GGNBP2: variants seen among roughly 807,000 people sequenced by gnomAD.
GGNBP2 encodes gametogenetin-binding protein 2.
In GGNBP2, 10 loss-of-function variants were observed where a neutral mutation model predicts 85.9. That is an observed-to-expected ratio of 0.12 (90% CI 0.07 to 0.20). GGNBP2 has a LOEUF of 0.20. GGNBP2 is among the 10% of genes least tolerant of loss of function. The pLI is 1.00. For synonymous variants in GGNBP2, 287 were observed against 285.7 expected (o/e 1.00, Z -0.05); for missense variants, 595 against 857.8 (o/e 0.69, Z 3.83).
chr17:36,578,703 C>T (rs1045476639), intron 7 of GGNBP2: 5 of 155,034 alleles, frequency 3.2e-5, no homozygotes, highest in African/African-American at 1.2e-4. Context: ...TAGAATAAAT[C>T]AAATGCATTT....
At chr17:36,577,961 T>G (rs1345713803) in intron 6 of GGNBP2, 22 bp from the exon 7 acceptor site, 2 of 1,587,640 alleles carry the variant, frequency 1.3e-6, no homozygotes, top group East Asian at 4.5e-5. Context: ...TTTCTTAATT[T>G]TAAGGTTTTT....
At chr17:36,572,562 A>G (rs2074536375) in intron 6 of GGNBP2, among the ~76,000 whole-genome samples, 1 of 152,048 alleles carries the variant, frequency 6.6e-6, no homozygotes, top group Admixed American at 6.6e-5. Flanking sequence ...GGTGGCACAC[A>G]CCTGTAGTCC....
chr17:36,547,392 G>A (rs572252829), intron 2 of GGNBP2: 3 of 152,168 alleles, frequency 2.0e-5, no homozygotes, highest in East Asian at 1.9e-4. Flanking sequence ...TTGGATATAA[G>A]ATTATTATTT....
In GGNBP2 at chr17:36,552,953, C is replaced by T. The variant is rs1406845915; in HGVS notation, c.94-1867C>T. Among the ~76,000 whole-genome samples, 6 of 137,084 alleles carry T rather than the reference C, an allele frequency of 4.4e-5. 1 individual carries two copies. In the South Asian group the frequency reaches 7.2e-4, roughly 16 times the overall value. 89.9% of individuals were successfully genotyped at this position (137,084 alleles called of 152,430 possible). The stretch of plus-strand genomic sequence containing the variant: ...AGGAGAATTGGTTGAACCTGGGAGG[C>T]GGAGGTTGCAGTGAGCCGAGATTGT... On this transcript the variant is annotated intron_variant, in intron 2 of 13. Coordinates refer to ENST00000613102, the MANE Select transcript of GGNBP2 (RefSeq NM_024835.5).
intron 8 of GGNBP2, among the ~76,000 whole-genome samples, chr17:36,581,011 A>G (rs2074643741): frequency 1.3e-5 from 2 of 152,022 alleles, no homozygotes; most frequent in African/African-American, 4.8e-5. Flanking sequence ...GGGACCGGGC[A>G]CGGTGGCTCA....
intron 6 of GGNBP2, among the ~76,000 whole-genome samples, chr17:36,571,383 C>T (rs1049878297): frequency 2.0e-5 from 3 of 152,024 alleles, no homozygotes; most frequent in Admixed American, 6.6e-5. Flanking sequence ...TACCCCGTCT[C>T]TACTAAAAAT....
rs753963273 is a variant in GGNBP2 at position 36,587,342 on chromosome 17, G to A, written c.1890+97G>A. 24 of 1,243,630 alleles carry A rather than the reference G, an allele frequency of 1.9e-5. No individual in the cohort carries two copies. The South Asian group carries it at 3.0e-4, about 15-fold the overall frequency. The allele number at this position is 1,243,630 out of a possible 1,614,324, so 77.0% of individuals were successfully genotyped here. A position where few individuals can be genotyped will look rare whatever the true frequency, so the allele number is the denominator to read the frequency against. On this transcript the variant is annotated intron_variant, in intron 13 of 13. Coordinates refer to ENST00000613102, the MANE Select transcript of GGNBP2 (RefSeq NM_024835.5). ...TGAGGGCTTAAGGTAGGTAGTTGAA[G>A]GAAGCTTATGAGAAATTAAGGGTAG...
intron 2 of GGNBP2, among the ~76,000 whole-genome samples, chr17:36,547,972 C>G (rs1186219829): frequency 6.6e-6 from 1 of 152,090 alleles, no homozygotes; most frequent in Non-Finnish European, 1.5e-5. Flanking sequence ...GAGCAAAACA[C>G]CTGTTGGGAG....
intron 2 of GGNBP2, chr17:36,547,048 T>C (rs930606288): frequency 1.8e-4 from 27 of 152,204 alleles, no homozygotes; most frequent in African/African-American, 6.3e-4. Flanking sequence ...CAAGTGCATT[T>C]ATTTTTCATG....
At chr17:36,583,007 A>G in intron 9 of GGNBP2, among the ~76,000 whole-genome samples, 1 of 152,210 alleles carries the variant, frequency 6.6e-6, no homozygotes, top group East Asian at 1.9e-4. Flanking sequence ...ATTATACTAT[A>G]TATATTTTTT....
Position 36,589,571 on chromosome 17 carries a change from C to T in GGNBP2, c.*160C>T, listed in dbSNP as rs1213324226. The T allele has an allele frequency of 9.1e-5, 56 of 616,606 alleles. No individual in the cohort carries two copies. The highest frequency in any genetic ancestry group is 2.2e-4 in the South Asian group (11 of 49,866). The allele number at this position is 616,606 out of a possible 1,614,324, so 38.2% of individuals were successfully genotyped here. On this transcript the variant is annotated 3_prime_UTR_variant, in exon 14 of 14. Coordinates refer to ENST00000613102, the MANE Select transcript of GGNBP2 (RefSeq NM_024835.5). ...GACGGTGGAGGTATCCTCATTAGTT[C>T]TTTCTTCAGGCTTGTGTCTTTAGTT...
chr17:36,557,116 A>T lies in GGNBP2; in HGVS notation c.208A>T (p.Ile70Phe). ...HGMLKQQDLSIAMVVTSREVL... is the reference protein window; with the variant it reads ...HGMLKQQDLSFAMVVTSREVL... Reference sequence around the variant, plus strand: ...TATGCTTAAGCAACAGGATCTAAGTATTGCCATGGTGGTGACATCACGCGA... The same window carrying T: ...TATGCTTAAGCAACAGGATCTAAGTTTTGCCATGGTGGTGACATCACGCGA... Residue 70 changes from isoleucine (I) to phenylalanine (F), a missense_variant, in exon 4 of 14, where the codon ATT (isoleucine) becomes TTT (phenylalanine). By Grantham distance (21) the Ile-to-Phe change is conservative. This residue lies in a region of GGNBP2 where 216 missense variants were observed against 293.4 expected (regional missense o/e 0.74). Coordinates refer to ENST00000613102, the MANE Select transcript of GGNBP2 (RefSeq NM_024835.5). The T allele has an allele frequency of 3.7e-6, 6 of 1,614,082 alleles. No homozygotes were observed. The highest frequency in any genetic ancestry group is 5.1e-6 in the Non-Finnish European group (6 of 1,180,020).
At chr17:36,576,591 A>ATGTGTGTGTGTG (rs1247489604) in intron 6 of GGNBP2, 2 of 49,184 alleles carry the variant, frequency 4.1e-5, no homozygotes, top group Admixed American at 2.5e-4. Flanking sequence ...AAAAATATAT[A>ATGTGTGTGTGTG]TATATGTGTG....
At chr17:36,573,792 C>A (rs1189850702) in intron 6 of GGNBP2, among the ~76,000 whole-genome samples, 1 of 152,042 alleles carries the variant, frequency 6.6e-6, no homozygotes, top group Non-Finnish European at 1.5e-5. Context: ...TGTTGAGCAT[C>A]TTTTCATATG....
intron 6 of GGNBP2, among the ~76,000 whole-genome samples, chr17:36,568,051 G>T (rs1050266942): frequency 6.6e-6 from 1 of 151,932 alleles, no homozygotes; most frequent in Admixed American, 6.6e-5. Flanking sequence ...TCAGCGTCTC[G>T]AGTAGCTGGG....
Position 36,560,549 on chromosome 17 carries a change from T to C in GGNBP2, c.429-224T>C, listed in dbSNP as rs539954737. On this transcript the variant is annotated intron_variant, in intron 4 of 13. Coordinates refer to ENST00000613102, the MANE Select transcript of GGNBP2 (RefSeq NM_024835.5). ...TACAGGTGTGTGCTTCTGCAACTGG[T>C]GTATTTACATAATGGCTGGGCAAGG... 2.3e-4 allele frequency among the ~76,000 whole-genome samples: 35 copies of C among 152,268 alleles called. 1 individual carries two copies. The South Asian group carries it at 6.8e-3, about 30-fold the overall frequency.
In GGNBP2 at chr17:36,581,519, A is replaced by C; in HGVS notation, c.1196A>C (p.Lys399Thr). The C allele has an allele frequency of 6.2e-7, 1 of 1,608,118 alleles. No individual in the cohort carries two copies. The change falls in exon 9 of 14, where the codon AAG becomes ACG. Residue 399 changes from lysine to threonine, a missense_variant. Around this residue, in one of 9 missense-constraint regions of GGNBP2, gnomAD observed 85 missense variants for 92.6 expected, o/e 0.92. Transcript: ENST00000613102. ...ACTCCCTTACAAACAGCAGATGAAAAGGAAGTAAGCCAAGAGAAGGTAATA... is the reference window on the plus strand; with the variant it reads ...ACTCCCTTACAAACAGCAGATGAAACGGAAGTAAGCCAAGAGAAGGTAATA... ...IPTPLQTADE[K>T]EVSQEKETDF...
rs1043060021 is a variant in GGNBP2 at position 36,574,206 on chromosome 17, G to A, written c.642-3777G>A. Among the ~76,000 whole-genome samples the A allele has an allele frequency of 2.4e-4, 37 of 152,262 alleles. 1 individual carries two copies. The highest frequency in any genetic ancestry group is 6.8e-3 in the Middle Eastern group (2 of 294). On this transcript the variant is annotated intron_variant, in intron 6 of 13. Coordinates refer to ENST00000613102, the MANE Select transcript of GGNBP2 (RefSeq NM_024835.5). ...CCGTAAGATTATAATGGAGCATACT[G>A]CGTTGCAGATCAAGTAGAGGAAATG...
intron 5 of GGNBP2, 114 bp downstream of exon 5, chr17:36,560,985 C>A: frequency 1.8e-6 from 1 of 564,686 alleles, no homozygotes; most frequent in Non-Finnish European, 3.0e-6. Context: ...TGGTTATACT[C>A]TATGACATAG....
Sources: allele counts gnomAD v4.1 joint callset (sites outside exome capture counted in the v4.1 genomes callset), GRCh38; gene constraint gnomAD v4.1.1; regional missense constraint gnomAD v4.1.1; transcripts MANE v1.5; gene names NCBI Gene and HGNC (gene_info 2026-07-23, HGNC 2026-07-21).